The following ANKRD33B variants were observed in gnomAD, a reference collection of about 807,000 sequenced individuals.
ANKRD33B encodes ankyrin repeat domain-containing protein 33B.
In ANKRD33B, 6 loss-of-function variants were observed where a neutral mutation model predicts 21.5. The ratio of observed to expected loss-of-function variants is 0.28; its 90% confidence interval spans 0.15 to 0.55. The LOEUF (loss-of-function observed/expected upper bound fraction) is 0.55, where lower values mean the gene tolerates loss of function less well. ANKRD33B is among the 20% of genes least tolerant of loss of function. The pLI, the probability that ANKRD33B is intolerant of heterozygous loss-of-function variation, is 0.94. For missense variants in ANKRD33B, 698 were observed against 747.2 expected, an observed-to-expected ratio of 0.93 and a Z score of 0.77; for synonymous variants, 347 against 342.4, an observed-to-expected ratio of 1.01 and a Z score of -0.15.
intron 2 of ANKRD33B, among the ~76,000 whole-genome samples, chr5:10,630,945 G>A (rs189282794): frequency 6.6e-6 from 1 of 152,180 alleles, no homozygotes; most frequent in African/African-American, 2.4e-5. Flanking sequence ...AGGCCTGCCT[G>A]TCTCCTCGAT....
At chr5:10,628,774 G>A (rs976245852) in intron 2 of ANKRD33B, among the ~76,000 whole-genome samples, 2 of 152,202 alleles carry the variant, frequency 1.3e-5, no homozygotes, top group Non-Finnish European at 2.9e-5. Flanking sequence ...GCTGGGTAAC[G>A]AGGGCTGTGG....
Position 10,652,201 on chromosome 5 carries a change from A to G in ANKRD33B, c.*2088A>G, listed in dbSNP as rs6898416. The G allele has an allele frequency of 0.31, 46,557 of 152,386 alleles. 7,054 individuals are homozygous for G. Among genetic ancestry groups the G allele is most frequent in the Non-Finnish European group, 0.32 (21,664 of 68,014 alleles). The allele number at this position is 152,386 out of a possible 1,614,324, so 9.4% of individuals were successfully genotyped here. On this transcript the variant is annotated 3_prime_UTR_variant, in exon 4 of 4. Transcript: ENST00000296657. This position sits in a 1 kb window ranked among gnomAD's most constrained non-coding sequence, Gnocchi z 4.1. ...CTGTCAACCGAGGACCCAGCCAGGC[A>G]GTGCCATGTGGTCTCCCAGGCACGC...
At chr5:10,585,634 G>A (rs905057230) in intron 1 of ANKRD33B, among the ~76,000 whole-genome samples, 1 of 152,224 alleles carries the variant, frequency 6.6e-6, no homozygotes. Flanking sequence ...AGGCCTGTGT[G>A]GCTAACAGGT....
At chr5:10,592,156 C>G (rs958232388) in intron 1 of ANKRD33B, among the ~76,000 whole-genome samples, 1 of 151,984 alleles carries the variant, frequency 6.6e-6, no homozygotes, top group African/African-American at 2.4e-5. Context: ...CATCACTGCC[C>G]AGATTGCTCC....
At chr5:10,603,326 G>A (rs933005158) in intron 1 of ANKRD33B, among the ~76,000 whole-genome samples, 4 of 151,722 alleles carry the variant, frequency 2.6e-5, no homozygotes, top group Non-Finnish European at 4.4e-5. Flanking sequence ...GCAGTGGAGT[G>A]ATCTCAGTTC....
chr5:10,618,219 G>A (rs1736329704), intron 1 of ANKRD33B, 114 bp from the exon 2 acceptor site: 1 of 1,392,616 alleles, frequency 7.2e-7, no homozygotes, highest in Non-Finnish European at 9.7e-7. Flanking sequence ...CCAGGTCCCT[G>A]TCATTGCCTT....
rs1277222065 is a variant in ANKRD33B, at chr5:10,564,694, C to A, written c.227C>A (p.Pro76Gln). The A allele has an allele frequency of 6.5e-7, 1 of 1,533,630 alleles. No individual in the cohort carries two copies. The highest frequency in any genetic ancestry group is 1.4e-5 in the African/African-American group (1 of 72,950). The change falls in exon 1 of 4, where the codon CCG becomes CAG. Residue 76 changes from proline to glutamine, a missense_variant. Around this residue, in one of 3 missense-constraint regions of ANKRD33B, gnomAD observed 148 missense variants for 154.9 expected, o/e 0.96. Transcript: ENST00000296657. ...GGCGTCGAGAGCGCGGAGAGCGTCC[C>A]GGAGGGCGTCCCGGAAAGCGTCCCG... ...EHGVESAESVPEGVPESVPET... is the reference protein window; with the variant it reads ...EHGVESAESVQEGVPESVPET...
chr5:10,595,884 G>A lies in ANKRD33B; in HGVS notation c.367-22449G>A, dbSNP rs1219875027. Among the ~76,000 whole-genome samples, 3 of 152,190 alleles carry A rather than the reference G, an allele frequency of 2.0e-5. No homozygotes were observed. In the East Asian group the frequency reaches 5.8e-4, roughly 29 times the overall value. On this transcript the variant is annotated intron_variant, in intron 1 of 3. Transcript: ENST00000296657. ...CCTCTGTGAACGAGCAGGTGTGATG[G>A]CCTGAAAACAGAGAGGGAGAAGGCT... is the stretch of plus-strand genomic sequence containing the variant.
chr5:10,646,669 TTAA>T (rs1208991226), intron 3 of ANKRD33B, among the ~76,000 whole-genome samples: 1 of 152,260 alleles, frequency 6.6e-6, no homozygotes, highest in Non-Finnish European at 1.5e-5. Flanking sequence ...TAATTAAGGT[TTAA>T]TGTGTCATCT....
chr5:10,649,322 A>T lies in ANKRD33B; in HGVS notation c.694A>T (p.Thr232Ser), dbSNP rs1560989316. 2.6e-6 allele frequency: 4 copies of T among 1,534,120 alleles called. No homozygotes were observed. Among genetic ancestry groups the T allele is most frequent in the Non-Finnish European group, 3.5e-6 (4 of 1,146,204 alleles). Residue 232 changes from threonine to serine, a missense_variant, in exon 4 of 4, where the codon ACT becomes TCT. Thr to Ser is a moderately conservative substitution (Grantham distance 58). Transcript: ENST00000296657. ...TGGGATGTCGCCGCAGGAGTGGGCCACTTACACGGGCCGCGTGGATGCCGT... is the reference window on the plus strand; with the variant it reads ...TGGGATGTCGCCGCAGGAGTGGGCCTCTTACACGGGCCGCGTGGATGCCGT... ...RRGMSPQEWA[T>S]YTGRVDAVRL...
chr5:10,625,738 G>C (rs1736532321), intron 2 of ANKRD33B, among the ~76,000 whole-genome samples: 1 of 152,232 alleles, frequency 6.6e-6, no homozygotes, highest in Admixed American at 6.5e-5. Context: ...ATGAACCGTG[G>C]TATACTTAAC....
chr5:10,578,096 C>T (rs1409851882), intron 1 of ANKRD33B, among the ~76,000 whole-genome samples: 1 of 152,238 alleles, frequency 6.6e-6, no homozygotes, highest in African/African-American at 2.4e-5. Context: ...ATCTCTGAGG[C>T]TCTTTCACAC....
rs1035406291 is a variant in ANKRD33B, at chr5:10,564,173, C to T, written c.-295C>T. The stretch of plus-strand genomic sequence containing the variant: ...GAGAGAGCGCCTGCCTGGCTCTGAA[C>T]TCTGGCCAGGAAGGGGCGCGAGGGG... On this transcript the variant is annotated 5_prime_UTR_variant, in exon 1 of 4. Transcript: ENST00000296657. Among the ~76,000 whole-genome samples, 1 of 152,142 alleles carries T rather than the reference C, an allele frequency of 6.6e-6. No homozygotes were observed. The highest frequency in any genetic ancestry group is 1.5e-5 in the Non-Finnish European group (1 of 67,992).
Position 10,657,127 on chromosome 5 carries a change from A to G in ANKRD33B, c.*7014A>G, listed in dbSNP as rs1263505128. On this transcript the variant is annotated 3_prime_UTR_variant, in exon 4 of 4. Transcript: ENST00000296657. ...GAAGCTGATTTAGAACTACACAGCTATGGATACACCTGATGAAAACCGCAA... is the reference window on the plus strand; with the variant it reads ...GAAGCTGATTTAGAACTACACAGCTGTGGATACACCTGATGAAAACCGCAA... 2.0e-5 allele frequency: 3 copies of G among 152,410 alleles called. No individual in the cohort carries two copies. The highest frequency in any genetic ancestry group is 4.1e-4 in the South Asian group (2 of 4,832). The allele number at this position is 152,410 out of a possible 1,614,324, so 9.4% of individuals were successfully genotyped here. A position where few individuals can be genotyped will look rare whatever the true frequency, so the allele number is the denominator to read the frequency against.
At chr5:10,575,241 G>A (rs1451117002) in intron 1 of ANKRD33B, among the ~76,000 whole-genome samples, 1 of 151,946 alleles carries the variant, frequency 6.6e-6, no homozygotes. Context: ...TGGCCAACAT[G>A]GTGAAACCCC....
intron 1 of ANKRD33B, among the ~76,000 whole-genome samples, chr5:10,601,264 C>A (rs911833218): frequency 6.6e-6 from 1 of 152,184 alleles, no homozygotes; most frequent in Non-Finnish European, 1.5e-5. Context: ...TTTCTAAGAC[C>A]CTGCGTGGTT....
In ANKRD33B at chr5:10,657,815, C is replaced by G. The variant is rs1230606660; in HGVS notation, c.*7702C>G. The G allele has an allele frequency of 6.6e-6, 1 of 152,288 alleles. No individual in the cohort carries two copies. The highest frequency in any genetic ancestry group is 1.5e-5 in the Non-Finnish European group (1 of 68,024). The allele number at this position is 152,288 out of a possible 1,614,324, so 9.4% of individuals were successfully genotyped here. On this transcript the variant is annotated 3_prime_UTR_variant, in exon 4 of 4. Transcript: ENST00000296657. ...GAATAAAAAATCACTTGTTAAAACG[C>G]ATTCTTATGGTACAAATGTGTGATA... is the stretch of plus-strand genomic sequence containing the variant.
chr5:10,566,289 G>T (rs1332736255), intron 1 of ANKRD33B, among the ~76,000 whole-genome samples: 1 of 152,196 alleles, frequency 6.6e-6, no homozygotes, highest in South Asian at 2.1e-4. Context: ...CAGCCCTGGC[G>T]ACAGATGCCC....
intron 2 of ANKRD33B, among the ~76,000 whole-genome samples, chr5:10,628,832 C>T (rs1736640411): frequency 6.6e-6 from 1 of 152,024 alleles, no homozygotes. Context: ...GATGAGACAC[C>T]GTGGGTCAAG....
Sources: allele counts gnomAD v4.1 joint callset (sites outside exome capture counted in the v4.1 genomes callset), GRCh38; gene constraint gnomAD v4.1.1; regional missense constraint gnomAD v4.1.1; non-coding constraint Gnocchi (gnomAD v3.1); transcripts MANE v1.5; gene names NCBI Gene and HGNC (gene_info 2026-07-23, HGNC 2026-07-21).